The following WDR17 variants were observed in gnomAD, a reference collection of about 807,000 sequenced individuals.
WDR17 encodes WD repeat domain 17.
A neutral mutation model predicts 161.7 loss-of-function variants in WDR17; 143 were observed. The ratio of observed to expected loss-of-function variants is 0.88; its 90% CI spans 0.77 to 1.02. The LOEUF is 1.02. Ranked by LOEUF, WDR17 falls within the 50% of genes least tolerant of loss-of-function variation. The pLI is 0.00. For missense variants in WDR17, 1,469 were observed against 1,520.9 expected (o/e 0.97, Z 0.57); for synonymous variants, 517 against 515.6 (o/e 1.00, Z -0.04).
chr4:176,177,225 T>G, intron 27 of WDR17, 69 bp downstream of exon 27: 1 of 1,358,866 alleles, frequency 7.4e-7, no homozygotes, highest in East Asian at 2.3e-5. Context: ...TTGTTGGAAG[T>G]ATGTGTGGTC....
In WDR17 at chr4:176,160,897, T is replaced by G. The variant is rs758498891; in HGVS notation, c.2659-14T>G. The G allele has an allele frequency of 6.4e-7, 1 of 1,573,202 alleles. No homozygotes were observed. The highest frequency in any genetic ancestry group is 1.2e-5 in the South Asian group (1 of 82,256). On this transcript the variant is annotated splice_polypyrimidine_tract_variant and intron_variant, in intron 19 of 28. Coordinates refer to ENST00000508596, the MANE Select transcript of WDR17 (RefSeq NM_181265.4). ...ATTAGCTAAAGAATAATTCAACATT[T>G]AATTAAATTCTAGGCTGCTTGTGAA... is the stretch of plus-strand genomic sequence containing the variant.
chr4:176,177,961 G>GGCAACAA (rs1210771003), intron 28 of WDR17, among the ~76,000 whole-genome samples: 1 of 107,256 alleles, frequency 9.3e-6, no homozygotes, highest in East Asian at 2.9e-4. Flanking sequence ...CTCCAGCCTG[G>GGCAACAA]GCAACAAGAG....
chr4:176,093,504 G>A (rs1736404463), intron 1 of WDR17, among the ~76,000 whole-genome samples: 1 of 151,930 alleles, frequency 6.6e-6, no homozygotes, highest in South Asian at 2.1e-4. Context: ...TTTAATTACT[G>A]ATATTTAATA....
intron 22 of WDR17, among the ~76,000 whole-genome samples, chr4:176,168,284 T>C (rs1750186435): frequency 6.6e-6 from 1 of 152,226 alleles, no homozygotes; most frequent in Non-Finnish European, 1.5e-5. Flanking sequence ...ATACAATTTA[T>C]CAATTTTGAC....
intron 1 of WDR17, among the ~76,000 whole-genome samples, chr4:176,078,791 C>T (rs1578993172): frequency 6.6e-6 from 1 of 151,804 alleles, no homozygotes; most frequent in African/African-American, 2.4e-5. Context: ...ATTTATGGGG[C>T]ACATATTTAT....
intron 4 of WDR17, among the ~76,000 whole-genome samples, chr4:176,121,002 TG>T (rs756098097): frequency 2.5e-4 from 38 of 152,302 alleles, no homozygotes; most frequent in Non-Finnish European, 4.3e-4. Flanking sequence ...ACATTTTAAA[TG>T]GGATCTATTA....
chr4:176,177,390 CA>C (rs1270728307), intron 27 of WDR17, 80 bp from the exon 28 acceptor site: 36 of 1,290,750 alleles, frequency 2.8e-5, no homozygotes, highest in Non-Finnish European at 3.7e-5. Context: ...ACTAAATAAT[CA>C]TCAGGGATAA....
chr4:176,141,857 T>G, intron 10 of WDR17, 126 bp from the exon 11 acceptor site: 1 of 731,182 alleles, frequency 1.4e-6, no homozygotes, highest in Admixed American at 3.0e-5. Context: ...AAATGTTCTT[T>G]TTGCTTTGTA....
At chr4:176,089,720 A>T (rs1399255165) in intron 1 of WDR17, among the ~76,000 whole-genome samples, 1 of 152,102 alleles carries the variant, frequency 6.6e-6, no homozygotes, top group South Asian at 2.1e-4. Flanking sequence ...TGGCAGATCT[A>T]TGTCTTGTTT....
rs1198704435 is a variant in WDR17 at position 176,150,525 on chromosome 4, G to A, written c.2236G>A (p.Asp746Asn). The A allele has an allele frequency of 9.3e-6, 15 of 1,612,222 alleles. No homozygotes were observed. The highest frequency in any genetic ancestry group is 1.3e-5 in the Non-Finnish European group (15 of 1,179,278). The change falls in exon 16 of 29, where the codon GAT becomes AAT. Residue 746 changes from aspartate (D) to asparagine (N), a missense_variant. Coordinates refer to ENST00000508596, the MANE Select transcript of WDR17 (RefSeq NM_181265.4). ...NLVAVIKGQD[D>N]SLLPQNYCKG... The stretch of plus-strand genomic sequence containing the variant: ...GGTTGCTGTGATAAAAGGACAGGAT[G>A]ATAGCTTACTTCCTCAGAACTACTG...
chr4:176,116,101 A>G (rs753759755), intron 3 of WDR17, 122 bp downstream of exon 3: 17 of 1,008,092 alleles, frequency 1.7e-5, no homozygotes, highest in Non-Finnish European at 2.4e-5. Context: ...TAATCTGTAT[A>G]AGAAATAAAT....
intron 1 of WDR17, among the ~76,000 whole-genome samples, chr4:176,070,049 T>C (rs1733027334): frequency 6.6e-6 from 1 of 152,166 alleles, no homozygotes; most frequent in Non-Finnish European, 1.5e-5. Flanking sequence ...TCTAACACCG[T>C]TATTCTGTTA....
intron 21 of WDR17, 108 bp from the exon 22 acceptor site, chr4:176,163,046 A>C: frequency 7.5e-7 from 1 of 1,339,072 alleles, no homozygotes; most frequent in African/African-American, 1.5e-5. Context: ...TATAAGAATA[A>C]TTGATTTATA....
At chr4:176,151,669 TC>T in intron 16 of WDR17, 142 bp from the exon 17 acceptor site, 1 of 718,326 alleles carries the variant, frequency 1.4e-6, no homozygotes, top group Admixed American at 3.4e-5. Context: ...ATCCATCACC[TC>T]AAGCATTTAT....
intron 3 of WDR17, 132 bp downstream of exon 3, chr4:176,116,111 T>C: frequency 1.1e-6 from 1 of 885,898 alleles, no homozygotes; most frequent in Non-Finnish European, 1.6e-6. Context: ...AAGAAATAAA[T>C]TTCACATAAT....
chr4:176,093,623 G>A (rs949912084), intron 1 of WDR17, among the ~76,000 whole-genome samples: 8 of 152,012 alleles, frequency 5.3e-5, no homozygotes, highest in Non-Finnish European at 1.0e-4. Flanking sequence ...TAGATTCATG[G>A]ACATAGATAC....
chr4:176,124,972 G>A lies in WDR17; in HGVS notation c.539-132G>A. The A allele has an allele frequency of 6.9e-6, 7 of 1,008,818 alleles. No homozygotes were observed. The South Asian group carries it at 1.0e-4, about 15-fold the overall frequency. The allele number at this position is 1,008,818 out of a possible 1,614,324, so 62.5% of individuals were successfully genotyped here. On this transcript the variant is annotated intron_variant, in intron 4 of 28. Coordinates refer to ENST00000508596, the MANE Select transcript of WDR17 (RefSeq NM_181265.4). ...CATTCACATGTCAGTTACGCCTTCT[G>A]CATATAAGCACCACATTTGTATTTT...
Position 176,108,480 on chromosome 4 carries a change from A to G in WDR17, c.-6-3095A>G, listed in dbSNP as rs775486016. Among the ~76,000 whole-genome samples, 12 of 152,252 alleles carry G rather than the reference A, an allele frequency of 7.9e-5. No homozygotes were observed. The East Asian group carries it at 2.3e-3, about 29-fold the overall frequency. ...TAGAGCCGTGAAGCTGCTCTTGCCC[A>G]TACTGTAATGGTGGATACCTATCAT... On this transcript the variant is annotated intron_variant, in intron 1 of 28. Transcript: ENST00000508596.
chr4:176,123,348 C>T (rs1055019490), intron 4 of WDR17, among the ~76,000 whole-genome samples: 1 of 152,158 alleles, frequency 6.6e-6, no homozygotes, highest in Admixed American at 6.5e-5. Flanking sequence ...ACAGCAGACA[C>T]TCGCTGAGCG....
Sources: allele counts gnomAD v4.1 joint callset (sites outside exome capture counted in the v4.1 genomes callset), GRCh38; gene constraint gnomAD v4.1.1; transcripts MANE v1.5; gene names NCBI Gene and HGNC (gene_info 2026-07-23, HGNC 2026-07-21).